RPE: variants seen among roughly 807,000 people sequenced by gnomAD.
The protein encoded by RPE is ribulose-phosphate 3-epimerase.
In RPE, 16 loss-of-function variants were observed where a neutral mutation model predicts 24.6. The observed-to-expected ratio is 0.65, with a 90% CI of 0.44 to 0.99. The LOEUF (loss-of-function observed/expected upper bound fraction) is 0.99. Among genes scored for constraint, RPE ranks in the 50% least tolerant of loss-of-function variants. The pLI is 0.00. For synonymous variants in RPE, 93 were observed against 98.4 expected (o/e 0.94, Z 0.33); for missense variants, 240 against 294.5 (o/e 0.81, Z 1.35).
chr2:210,016,529 G>A lies in RPE; in HGVS notation c.365G>A (p.Gly122Glu). The change falls in exon 4 of 6, where the codon GGA becomes GAA. Residue 122 changes from glycine (G) to glutamate (E), a missense_variant. Coordinates refer to ENST00000359429, the MANE Select transcript of RPE (RefSeq NM_199229.3). ...CAGGTTGGCCTTGCCATCAAACCAG[G>A]AACCTCAGTTGAGTATTTGGCACCA... The part of the protein sequence containing the change: ...GMKVGLAIKP[G>E]TSVEYLAPWA... 1 of 1,614,238 alleles carries A rather than the reference G, an allele frequency of 6.2e-7. No individual in the cohort carries two copies. The highest frequency in any genetic ancestry group is 8.5e-7 in the Non-Finnish European group (1 of 1,180,048).
At position 210,015,078 on chromosome 2, in the gene RPE, C is replaced by T. The variant is rs137925925; in HGVS notation, c.203-895C>T. On this transcript the variant is annotated intron_variant, in intron 2 of 5. Coordinates refer to ENST00000359429, the MANE Select transcript of RPE (RefSeq NM_199229.3). ...ACATGTCCTTCCCCCTAAATTTGTTCTTGCAGTCTTGCCTCTCAATTAATG... is the reference window on the plus strand; with the variant it reads ...ACATGTCCTTCCCCCTAAATTTGTTTTTGCAGTCTTGCCTCTCAATTAATG... 1.4e-4 allele frequency among the ~76,000 whole-genome samples: 22 copies of T among 152,296 alleles called. No homozygotes were observed. The East Asian group carries it at 4.1e-3, about 28-fold the overall frequency.
chr2:210,007,939 G>A (rs936253086), intron 1 of RPE, among the ~76,000 whole-genome samples: 4 of 152,162 alleles, frequency 2.6e-5, no homozygotes, highest in African/African-American at 9.7e-5. Flanking sequence ...GGGTAAAGTG[G>A]CAATAGGAAA....
chr2:210,016,448 C>T, intron 3 of RPE, 59 bp from the exon 4 acceptor site: 1 of 1,610,114 alleles, frequency 6.2e-7, no homozygotes, highest in Non-Finnish European at 8.5e-7. Flanking sequence ...TGCTATGCCA[C>T]AATAATATAA....
rs2093834456 is a variant in RPE at position 210,019,794 on chromosome 2, C to A, written c.*3C>A. ...AGAAACGTTCTCTTGATCGGTGAAA[C>A]CATAAGGAGCCCAGTGTTCCTGTTC... On this transcript the variant is annotated 3_prime_UTR_variant, in exon 6 of 6. Coordinates refer to ENST00000359429, the MANE Select transcript of RPE (RefSeq NM_199229.3). 1 of 1,610,818 alleles carries A rather than the reference C, an allele frequency of 6.2e-7. No homozygotes were observed. The highest frequency in any genetic ancestry group is 1.1e-5 in the South Asian group (1 of 90,678).
chr2:210,019,282 AAATAT>A (rs2093824139), intron 5 of RPE, among the ~76,000 whole-genome samples: 1 of 152,192 alleles, frequency 6.6e-6, no homozygotes, highest in South Asian at 2.1e-4. Context: ...AAATTCATAT[AAATAT>A]AATTCAAAGA....
chr2:210,003,010 C>T (rs565517239), intron 1 of RPE, among the ~76,000 whole-genome samples: 1 of 152,292 alleles, frequency 6.6e-6, no homozygotes, highest in Non-Finnish European at 1.5e-5. Context: ...CTCCCCTCCC[C>T]CCACGTAACG....
chr2:210,012,223 C>G (rs2093709840), intron 2 of RPE, among the ~76,000 whole-genome samples: 1 of 152,100 alleles, frequency 6.6e-6, no homozygotes, highest in Non-Finnish European at 1.5e-5. Context: ...GTATAAGGAC[C>G]CACACAAATC....
At chr2:210,015,930 C>G (rs2093764900) in intron 2 of RPE, 43 bp from the exon 3 acceptor site, 1 of 1,601,326 alleles carries the variant, frequency 6.2e-7, no homozygotes, top group African/African-American at 1.3e-5. Flanking sequence ...TAACATGAGC[C>G]AGGTATTTTT....
At chr2:210,018,375 A>G (rs780559063) in intron 5 of RPE, 443 of 984,536 alleles carry the variant, frequency 4.5e-4, no homozygotes, top group Non-Finnish European at 5.1e-4. Flanking sequence ...CTATCTGTAT[A>G]GAAGTAAAAA....
intron 5 of RPE, chr2:210,017,767 G>A (rs1321924886): frequency 8.6e-5 from 48 of 557,820 alleles, no homozygotes; most frequent in Non-Finnish European, 1.4e-4. Context: ...CTTTTTCTGA[G>A]ACAGTCTCTC....
chr2:210,006,460 A>G (rs1258898666), intron 1 of RPE, among the ~76,000 whole-genome samples: 2 of 152,142 alleles, frequency 1.3e-5, no homozygotes, highest in African/African-American at 4.8e-5. Flanking sequence ...TCGTGAACCT[A>G]GTGCATTGAA....
chr2:210,019,938 A>G lies in RPE; in HGVS notation c.*147A>G. 4 of 1,089,768 alleles carry G rather than the reference A, an allele frequency of 3.7e-6. No individual in the cohort carries two copies. The highest frequency in any genetic ancestry group is 5.0e-6 in the Non-Finnish European group (4 of 792,932). The allele number at this position is 1,089,768 out of a possible 1,614,324, so 67.5% of individuals were successfully genotyped here. On this transcript the variant is annotated 3_prime_UTR_variant, in exon 6 of 6. Transcript: ENST00000359429. Reference sequence around the variant, plus strand: ...CAGTGATTAAAACTGATTGTGCAGAATATTCTAAGAGGTCAGAAATTGGTG... The same window carrying G: ...CAGTGATTAAAACTGATTGTGCAGAGTATTCTAAGAGGTCAGAAATTGGTG...
Position 210,017,552 on chromosome 2 carries a change from G to C in RPE, c.557G>C (p.Cys186Ser). 1 of 1,613,818 alleles carries C rather than the reference G, an allele frequency of 6.2e-7. No individual in the cohort carries two copies. The highest frequency in any genetic ancestry group is 1.6e-4 in the Middle Eastern group (1 of 6,062). Residue 186 changes from cysteine to serine, a missense_variant, in exon 5 of 6, where the codon TGT becomes TCT. Transcript: ENST00000359429. Reference sequence around the variant, plus strand: ...GTAGGTCCTGACACTGTCCATAAATGTGCAGAGGTGAGATTGCTCTTCAAC... The same window carrying C: ...GTAGGTCCTGACACTGTCCATAAATCTGCAGAGGTGAGATTGCTCTTCAAC... The part of the protein sequence containing the change: ...GGVGPDTVHK[C>S]AEAGANMIVS...
intron 1 of RPE, among the ~76,000 whole-genome samples, chr2:210,005,453 A>G (rs2093617612): frequency 6.6e-6 from 1 of 152,188 alleles, no homozygotes; most frequent in Non-Finnish European, 1.5e-5. Flanking sequence ...ACAAAGGACA[A>G]GTGGATTCTC....
intron 1 of RPE, among the ~76,000 whole-genome samples, chr2:210,008,462 ATT>A (rs1453725008): frequency 6.6e-6 from 1 of 151,344 alleles, no homozygotes; most frequent in African/African-American, 2.4e-5. Context: ...CACCCAGCTA[ATT>A]TTTATATTTT....
chr2:210,017,674 G>A lies in RPE; in HGVS notation c.564+115G>A, dbSNP rs957900609. 4 of 933,616 alleles carry A rather than the reference G, an allele frequency of 4.3e-6. No individual in the cohort carries two copies. The African/African-American group carries it at 5.1e-5, about 12-fold the overall frequency. The allele number at this position is 933,616 out of a possible 1,614,324, so 57.8% of individuals were successfully genotyped here. A position where few individuals can be genotyped will look rare whatever the true frequency, so the allele number is the denominator to read the frequency against. On this transcript the variant is annotated intron_variant, in intron 5 of 5. Coordinates refer to ENST00000359429, the MANE Select transcript of RPE (RefSeq NM_199229.3). Reference sequence around the variant, plus strand: ...GTTCCTAAGTTGACTTTCTTTCTTGGAAAAGTATTTTTTGTTCACATGTAC... The same window carrying A: ...GTTCCTAAGTTGACTTTCTTTCTTGAAAAAGTATTTTTTGTTCACATGTAC...
intron 2 of RPE, among the ~76,000 whole-genome samples, chr2:210,010,442 A>T (rs747026810): frequency 6.6e-6 from 1 of 151,920 alleles, no homozygotes; most frequent in Admixed American, 6.6e-5. Context: ...TCTTTTTTTT[A>T]AAATAGAGAC....
chr2:210,019,803 G>T lies in RPE; in HGVS notation c.*12G>T, dbSNP rs760155889. 6 of 1,609,148 alleles carry T rather than the reference G, an allele frequency of 3.7e-6. No homozygotes were observed. Among genetic ancestry groups the T allele is most frequent in the Non-Finnish European group, 5.1e-6 (6 of 1,177,526 alleles). On this transcript the variant is annotated 3_prime_UTR_variant, in exon 6 of 6. Transcript: ENST00000359429. The stretch of plus-strand genomic sequence containing the variant: ...CTCTTGATCGGTGAAACCATAAGGA[G>T]CCCAGTGTTCCTGTTCATGAAATCT...
In RPE at chr2:210,021,978, C is replaced by T. The variant is rs1169857790; in HGVS notation, c.*2187C>T. ...GAAATCAGCCAGAATTAACTAATTT[C>T]TTGCTAATCTAGAAATACAATCATC... On this transcript the variant is annotated 3_prime_UTR_variant, in exon 6 of 6. Coordinates refer to ENST00000359429, the MANE Select transcript of RPE (RefSeq NM_199229.3). 6.7e-6 allele frequency: 1 copy of T among 148,370 alleles called. No homozygotes were observed. Among genetic ancestry groups the T allele is most frequent in the Non-Finnish European group, 1.5e-5 (1 of 67,352 alleles). 9.2% of individuals were successfully genotyped at this position (148,370 alleles called of 1,614,324 possible).
Sources: allele counts gnomAD v4.1 joint callset (sites outside exome capture counted in the v4.1 genomes callset), GRCh38; gene constraint gnomAD v4.1.1; transcripts MANE v1.5; gene names NCBI Gene and HGNC (gene_info 2026-07-23, HGNC 2026-07-21).